The following KLF12 variants were observed in gnomAD, a reference collection of about 807,000 sequenced individuals.
KLF12 encodes Krueppel-like factor 12.
KLF12 carries 9 observed loss-of-function variants against 37.8 expected under a neutral mutation model. The observed-to-expected ratio is 0.24, with a 90% CI of 0.14 to 0.42. KLF12 has a LOEUF of 0.42. Among genes scored for constraint, KLF12 ranks in the 10% least tolerant of loss-of-function variants. The pLI, the probability that KLF12 is intolerant of heterozygous loss-of-function variation, is 1.00. For synonymous variants in KLF12, 208 were observed against 202.1 expected (o/e 1.03, Z -0.25); for missense variants, 411 against 516.0 (o/e 0.80, Z 1.97).
chr13:74,103,726 G>T (rs773965033), intron 1 of KLF12, among the ~76,000 whole-genome samples: 9 of 152,074 alleles, frequency 5.9e-5, no homozygotes, highest in Non-Finnish European at 1.3e-4. Context: ...CAACTTCCAG[G>T]TCACTATGAA....
At chr13:73,905,742 AT>A (rs35828099) in intron 3 of KLF12, among the ~76,000 whole-genome samples, 3 of 149,716 alleles carry the variant, frequency 2.0e-5, no homozygotes, top group Admixed American at 6.6e-5. Flanking sequence ...TGTGCAATAC[AT>A]TTTTTTTTCA....
In KLF12 at chr13:73,944,037, G is replaced by C; in HGVS notation, c.67C>G (p.Leu23Val). Residue 23 changes from leucine to valine, a missense_variant, in exon 3 of 8, where the codon CTT (leucine) becomes GTT (valine). Physicochemically the swap from Leu to Val is conservative, Grantham distance 32. Coordinates refer to ENST00000377669, the MANE Select transcript of KLF12 (RefSeq NM_007249.5). ...ACTCTGACTGCCGGCATCCCATCAA[G>C]CATTAACATTCTGTTCTCAAAGGTG... 6.2e-7 allele frequency: 1 copy of C among 1,612,128 alleles called. No individual in the cohort carries two copies. Among genetic ancestry groups the C allele is most frequent in the Non-Finnish European group, 8.5e-7 (1 of 1,178,846 alleles).
intron 3 of KLF12, among the ~76,000 whole-genome samples, chr13:73,867,180 A>G (rs1354886463): frequency 6.6e-6 from 1 of 152,172 alleles, no homozygotes; most frequent in Non-Finnish European, 1.5e-5. Flanking sequence ...GATTTTTAAG[A>G]AAAACTTAAA....
intron 5 of KLF12, among the ~76,000 whole-genome samples, chr13:73,793,005 C>T (rs1323749879): frequency 6.6e-6 from 1 of 152,162 alleles, no homozygotes; most frequent in Non-Finnish European, 1.5e-5. Flanking sequence ...GCTCTAGTAA[C>T]GTACTCAACT....
At chr13:74,097,637 G>T (rs184202465) in intron 1 of KLF12, among the ~76,000 whole-genome samples, 33 of 151,884 alleles carry the variant, frequency 2.2e-4, no homozygotes, top group African/African-American at 8.0e-4. Context: ...TTAAACACAC[G>T]TTTAGGTATC....
the KLF12 span, among the ~76,000 whole-genome samples, chr13:74,166,824 T>G: frequency 1.3e-5 from 2 of 152,312 alleles, no homozygotes; most frequent in East Asian, 1.9e-4. Context: ...TTCAAATATA[T>G]GCTCAAATAA....
At chr13:74,018,084 C>CTT (rs113838831) in intron 1 of KLF12, among the ~76,000 whole-genome samples, 4 of 143,418 alleles carry the variant, frequency 2.8e-5, no homozygotes, top group Non-Finnish European at 6.1e-5. Context: ...ATAATTACTG[C>CTT]TTTTTTTTTT....
intron 5 of KLF12, among the ~76,000 whole-genome samples, chr13:73,803,607 C>A (rs1882398995): frequency 6.6e-6 from 1 of 152,002 alleles, no homozygotes; most frequent in Non-Finnish European, 1.5e-5. Context: ...CCCACCCCCT[C>A]CACTAGAATA....
At chr13:74,040,474 G>C (rs1376156415) in intron 1 of KLF12, among the ~76,000 whole-genome samples, 1 of 152,144 alleles carries the variant, frequency 6.6e-6, no homozygotes, top group Admixed American at 6.5e-5. Context: ...AGAAGACCTG[G>C]GGAGCCTCCA....
At chr13:74,036,958 C>T (rs1893262223) in intron 1 of KLF12, among the ~76,000 whole-genome samples, 1 of 152,146 alleles carries the variant, frequency 6.6e-6, no homozygotes, top group African/African-American at 2.4e-5. Context: ...GTAATCCCAG[C>T]ACTTTGGGAG....
the KLF12 span, among the ~76,000 whole-genome samples, chr13:74,242,942 ACTTTT>A: frequency 2.0e-5 from 3 of 152,166 alleles, no homozygotes; most frequent in African/African-American, 4.8e-5. Flanking sequence ...CAGTGAGAGC[ACTTTT>A]CTTTTCTTTT....
chr13:74,028,426 T>C (rs1025514226), intron 1 of KLF12, among the ~76,000 whole-genome samples: 7 of 152,172 alleles, frequency 4.6e-5, no homozygotes, highest in African/African-American at 1.7e-4. Flanking sequence ...ATTAGTAAAG[T>C]ATACAAAAAC....
chr13:74,217,193 A>G, the KLF12 span, among the ~76,000 whole-genome samples: 1 of 152,154 alleles, frequency 6.6e-6, no homozygotes, highest in Non-Finnish European at 1.5e-5. Context: ...AAAAGGGTGG[A>G]CTTTAATGTT....
At chr13:74,232,117 C>T in the KLF12 span, among the ~76,000 whole-genome samples, 1 of 152,008 alleles carries the variant, frequency 6.6e-6, no homozygotes, top group Non-Finnish European at 1.5e-5. Flanking sequence ...ATCTTCCTTC[C>T]AAGTCTTGCT....
intron 1 of KLF12, among the ~76,000 whole-genome samples, chr13:74,094,891 C>A (rs1006097793): frequency 2.0e-5 from 3 of 152,124 alleles, no homozygotes; most frequent in African/African-American, 7.2e-5. Flanking sequence ...TGAGCCACCA[C>A]GCCTGGCCTC....
intron 4 of KLF12, among the ~76,000 whole-genome samples, chr13:73,842,038 A>G (rs4335670): frequency 0.076 from 11,636 of 152,122 alleles, 627 homozygotes; most frequent in African/African-American, 0.15. Context: ...TTAGATCACT[A>G]TTCTTTGCAC....
chr13:74,063,411 AG>A (rs67181418), intron 1 of KLF12, among the ~76,000 whole-genome samples: 13,194 of 152,260 alleles, frequency 0.087, 763 homozygotes, highest in Non-Finnish European at 0.13. Flanking sequence ...CTAACCTTCA[AG>A]GACATCAAAA....
At chr13:74,256,214 C>T in the KLF12 span, among the ~76,000 whole-genome samples, 3 of 151,434 alleles carry the variant, frequency 2.0e-5, no homozygotes, top group African/African-American at 2.4e-5. Context: ...ATACTTGGCT[C>T]ACATCTCTGA....
intron 1 of KLF12, among the ~76,000 whole-genome samples, chr13:74,064,876 GTTAGTT>G (rs960955914): frequency 1.3e-5 from 2 of 152,106 alleles, no homozygotes; most frequent in African/African-American, 4.8e-5. Context: ...CAGAATCAAT[GTTAGTT>G]TTATTCATCC....
Sources: gnomAD v4.1 joint callset for allele counts (sites outside exome capture counted in the v4.1 genomes callset) on GRCh38, gnomAD v4.1.1 for gene constraint, MANE v1.5 for transcripts, NCBI Gene and HGNC (gene_info 2026-07-23, HGNC 2026-07-21) for gene names.